Variants in FAH observed in about 807,000 individuals in gnomAD.
FAH encodes the protein fumarylacetoacetase.
Under a neutral mutation model 55.8 loss-of-function variants are expected in FAH, and 47 were observed. The ratio of observed to expected loss-of-function variants is 0.84; its 90% confidence interval spans 0.67 to 1.07. The LOEUF (loss-of-function observed/expected upper bound fraction) is 1.07. Ranked by LOEUF, FAH falls within the 50% of genes least tolerant of loss-of-function variation. The pLI, the probability that FAH is intolerant of heterozygous loss-of-function variation, is 0.00. For synonymous variants in FAH, 199 were observed against 207.7 expected (o/e 0.96, Z 0.36); for missense variants, 495 against 545.9 (o/e 0.91, Z 0.93).
chr15:80,153,007 T>C lies in FAH; in HGVS notation c.-48T>C. ...CCACAGCGGCCGAGTTCAGTCCTGCTCTCCGCACGCCACCTTAGGCCCGCA... is the reference window on the plus strand; with the variant it reads ...CCACAGCGGCCGAGTTCAGTCCTGCCCTCCGCACGCCACCTTAGGCCCGCA... On this transcript the variant is annotated 5_prime_UTR_variant, in exon 1 of 14. Coordinates refer to ENST00000561421, the MANE Select transcript of FAH (RefSeq NM_000137.4). 1 of 1,553,750 alleles carries C rather than the reference T, an allele frequency of 6.4e-7. No individual in the cohort carries two copies. The highest frequency in any genetic ancestry group is 8.8e-7 in the Non-Finnish European group (1 of 1,131,404).
chr15:80,186,226 C>T lies in FAH; in HGVS notation c.*17C>T, dbSNP rs3189275. 1.2e-6 allele frequency: 2 copies of T among 1,609,120 alleles called. No homozygotes were observed. Among genetic ancestry groups the T allele is most frequent in the Non-Finnish European group, 8.5e-7 (1 of 1,175,566 alleles). Reference sequence around the variant, plus strand: ...CCATCATGAGATTTTCTCTGCTCTTCTGGAAACAAAGGGCTCAAGCACCCC... The same window carrying T: ...CCATCATGAGATTTTCTCTGCTCTTTTGGAAACAAAGGGCTCAAGCACCCC... On this transcript the variant is annotated 3_prime_UTR_variant, in exon 14 of 14. Coordinates refer to ENST00000561421, the MANE Select transcript of FAH (RefSeq NM_000137.4).
intron 13 of FAH, 32 bp downstream of exon 13, chr15:80,181,191 C>T (rs1467320551): frequency 2.0e-6 from 3 of 1,472,318 alleles, no homozygotes; most frequent in South Asian, 1.1e-5. Context: ...AGCTCGTCTT[C>T]CTCCTTGCCC....
intron 13 of FAH, among the ~76,000 whole-genome samples, chr15:80,181,777 G>T (rs1304708669): frequency 6.6e-6 from 1 of 152,036 alleles, no homozygotes; most frequent in Non-Finnish European, 1.5e-5. Flanking sequence ...TCGGAGTCTT[G>T]CTCTCTCATC....
upstream of FAH, chr15:80,152,898 A>G: frequency 1.6e-6 from 1 of 640,622 alleles, no homozygotes; most frequent in Admixed American, 2.4e-5. Flanking sequence ...GGTGAGACCA[A>G]AAGTCAGGTA....
intron 13 of FAH, among the ~76,000 whole-genome samples, chr15:80,182,659 A>G (rs924283087): frequency 1.3e-5 from 2 of 152,206 alleles, no homozygotes; most frequent in Non-Finnish European, 2.9e-5. Flanking sequence ...ATGATATAAT[A>G]TCATTGCCCC....
intron 9 of FAH, chr15:80,173,345 C>A: frequency 1.5e-6 from 1 of 685,306 alleles, no homozygotes; most frequent in East Asian, 2.7e-5. Context: ...TTGTGGTTTC[C>A]CTGGCCCTGG....
chr15:80,176,756 C>T (rs75666667), intron 10 of FAH, among the ~76,000 whole-genome samples: 2,056 of 152,320 alleles, frequency 0.013, 40 homozygotes, highest in African/African-American at 0.047. Context: ...CCTGCCCGCC[C>T]GGGGGAGGCC....
In FAH at chr15:80,168,058, C is replaced by A. The variant is rs144234072; in HGVS notation, c.462C>A (p.His154Gln). ...TCTTGCCTTCCTTTCTCAGGCTGCA[C>A]TTACCAGTGGGCTACCATGGCCGTG... ...KENALMPNWL[H>Q]LPVGYHGRAS... The change falls in exon 6 of 14, where the codon CAC becomes CAA. Residue 154 changes from histidine to glutamine, a missense_variant. Coordinates refer to ENST00000561421, the MANE Select transcript of FAH (RefSeq NM_000137.4). 1,046 of 1,613,970 alleles carry A rather than the reference C, an allele frequency of 6.5e-4. 1 individual carries two copies. The highest frequency in any genetic ancestry group is 8.2e-4 in the Non-Finnish European group (964 of 1,179,842).
chr15:80,186,925 A>G (rs1341118424), downstream of FAH: 1 of 157,056 alleles, frequency 6.4e-6, no homozygotes, highest in Non-Finnish European at 1.4e-5. Flanking sequence ...AGCCAAATTA[A>G]TACAGAAAAC....
At chr15:80,178,122 C>T (rs1178705086) in intron 11 of FAH, among the ~76,000 whole-genome samples, 1 of 152,110 alleles carries the variant, frequency 6.6e-6, no homozygotes, top group African/African-American at 2.4e-5. Context: ...ATCGCTTGAG[C>T]CCAGGAGGTC....
Position 80,168,164 on chromosome 15 carries a change from C to T in FAH, c.553+15C>T, listed in dbSNP as rs368509674. On this transcript the variant is annotated intron_variant, in intron 6 of 13. Coordinates refer to ENST00000561421, the MANE Select transcript of FAH (RefSeq NM_000137.4). ...ACCTGATGACTGTGAGTGACCGCAG[C>T]GTCCAGGCCTTGCTGGTACCCAGCT... 8.6e-5 allele frequency: 139 copies of T among 1,611,942 alleles called. No homozygotes were observed. The highest frequency in any genetic ancestry group is 1.1e-4 in the Non-Finnish European group (134 of 1,178,398).
intron 13 of FAH, among the ~76,000 whole-genome samples, chr15:80,184,065 T>C (rs1234866473): frequency 1.3e-5 from 2 of 152,168 alleles, no homozygotes; most frequent in African/African-American, 2.4e-5. Flanking sequence ...TCTCTGATCG[T>C]CTTGGTTTAA....
At position 80,182,077 on chromosome 15, in the gene FAH, G is replaced by A. The variant is rs576042604; in HGVS notation, c.1180+918G>A. 4.7e-4 allele frequency among the ~76,000 whole-genome samples: 71 copies of A among 152,214 alleles called. No homozygotes were observed. The South Asian group carries it at 6.0e-3, about 13-fold the overall frequency. On this transcript the variant is annotated intron_variant, in intron 13 of 13. Transcript: ENST00000561421. ...CAGTGCCATGTTCCTGGAAACTCTGGGGAGCGTCTGTCCCTGGCCTCTTCC... is the reference window on the plus strand; with the variant it reads ...CAGTGCCATGTTCCTGGAAACTCTGAGGAGCGTCTGTCCCTGGCCTCTTCC...
chr15:80,183,722 C>A (rs982318385), intron 13 of FAH, among the ~76,000 whole-genome samples: 1 of 152,228 alleles, frequency 6.6e-6, no homozygotes, highest in Admixed American at 6.5e-5. Context: ...AACGCCGCAG[C>A]ACTTACTGCA....
At chr15:80,175,636 C>T (rs2142103835) in intron 10 of FAH, among the ~76,000 whole-genome samples, 1 of 152,346 alleles carries the variant, frequency 6.6e-6, no homozygotes, top group African/African-American at 2.4e-5. Context: ...CCCACATCTC[C>T]CTGTGGCTGC....
intron 10 of FAH, among the ~76,000 whole-genome samples, chr15:80,176,753 G>A (rs547766091): frequency 1.4e-4 from 22 of 152,336 alleles, no homozygotes; most frequent in African/African-American, 4.6e-4. Context: ...GAACCTGCCC[G>A]CCCGGGGGAG....
chr15:80,162,165 G>C (rs570634240), intron 4 of FAH, 81 bp from the exon 5 acceptor site: 2 of 1,043,660 alleles, frequency 1.9e-6, no homozygotes, highest in Non-Finnish European at 3.0e-6. Context: ...GTGCACACTC[G>C]TGGCTCCAGT....
chr15:80,156,482 C>G (rs1163023816), intron 1 of FAH: 3 of 152,228 alleles, frequency 2.0e-5, no homozygotes, highest in Non-Finnish European at 1.5e-5. Flanking sequence ...TCCCATGCTT[C>G]CCCCTCTATG....
At chr15:80,179,364 A>G (rs2041310833) in intron 11 of FAH, among the ~76,000 whole-genome samples, 1 of 152,154 alleles carries the variant, frequency 6.6e-6, no homozygotes, top group South Asian at 2.1e-4. Context: ...CTAATTTAAT[A>G]TTATTCTGGG....
Sources: gnomAD v4.1 joint callset for allele counts (sites outside exome capture counted in the v4.1 genomes callset) on GRCh38, gnomAD v4.1.1 for gene constraint, MANE v1.5 for transcripts, NCBI Gene and HGNC (gene_info 2026-07-23, HGNC 2026-07-21) for gene names.